Variants in PLEKHM3 observed in about 807,000 individuals in gnomAD.
The protein encoded by PLEKHM3 is pleckstrin homology domain-containing family M member 3.
PLEKHM3 carries 45 observed loss-of-function variants against 81.8 expected under a neutral mutation model. The ratio of observed to expected loss-of-function variants is 0.55; its 90% CI spans 0.43 to 0.71. The LOEUF is 0.71. Ranked by LOEUF, PLEKHM3 falls within the 30% of genes least tolerant of loss-of-function variation. The pLI, the probability that PLEKHM3 is intolerant of heterozygous loss-of-function variation, is 0.00. For missense variants in PLEKHM3, 788 were observed against 924.3 expected (o/e 0.85, Z 1.91); for synonymous variants, 352 against 356.4 (o/e 0.99, Z 0.14).
rs573889649 is a variant in PLEKHM3, at chr2:207,944,302, A to G, written c.1692+2065T>C. 3.3e-5 allele frequency among the ~76,000 whole-genome samples: 5 copies of G among 152,334 alleles called. No individual in the cohort carries two copies. In the South Asian group the frequency reaches 8.3e-4, roughly 25 times the overall value. Reference sequence around the variant, plus strand: ...GTGTATCCTAGAGAAGTCCAGTAGAATAAGAAACTGCCAAGGGTCAACAGA... The same window carrying G: ...GTGTATCCTAGAGAAGTCCAGTAGAGTAAGAAACTGCCAAGGGTCAACAGA... On this transcript the variant is annotated intron_variant, in intron 4 of 7. Coordinates refer to ENST00000427836, the MANE Select transcript of PLEKHM3 (RefSeq NM_001080475.3).
chr2:207,828,213 G>T lies in PLEKHM3; in HGVS notation c.*106C>A. On this transcript the variant is annotated 3_prime_UTR_variant, in exon 8 of 8. Transcript: ENST00000427836. ...ATATATATCTATATCTAGTTGAAGA[G>T]GATACATACTCTTCTTCCAAAGGGG... The T allele has an allele frequency of 9.4e-7, 1 of 1,067,666 alleles. No homozygotes were observed. The highest frequency in any genetic ancestry group is 1.4e-6 in the Non-Finnish European group (1 of 732,004). 66.1% of individuals were successfully genotyped at this position (1,067,666 alleles called of 1,614,324 possible).
intron 7 of PLEKHM3, among the ~76,000 whole-genome samples, chr2:207,842,144 A>G (rs998794839): frequency 6.6e-6 from 1 of 152,158 alleles, no homozygotes; most frequent in African/African-American, 2.4e-5. Flanking sequence ...TCACCGTGTT[A>G]GCCAGGATGG....
intron 3 of PLEKHM3, among the ~76,000 whole-genome samples, chr2:207,952,341 G>A (rs1457622443): frequency 6.6e-6 from 1 of 152,200 alleles, no homozygotes; most frequent in East Asian, 1.9e-4. Flanking sequence ...ACAGTGAGCT[G>A]CAGTAAGCAC....
rs749470549 is a variant in PLEKHM3, at chr2:207,976,640, C to G, written c.1546+11G>C. 56 of 1,605,670 alleles carry G rather than the reference C, an allele frequency of 3.5e-5. No individual in the cohort carries two copies. The highest frequency in any genetic ancestry group is 4.5e-5 in the Non-Finnish European group (53 of 1,175,772). On this transcript the variant is annotated intron_variant, in intron 3 of 7. Coordinates refer to ENST00000427836, the MANE Select transcript of PLEKHM3 (RefSeq NM_001080475.3). The surrounding 1 kb of genome is among the most constrained non-coding windows in gnomAD (Gnocchi z 4.1). Reference sequence around the variant, plus strand: ...CTTTAATGAGCTATAGGCTGAAAATCTGCTTCATACCTGCACATTTGAAAC... The same window carrying G: ...CTTTAATGAGCTATAGGCTGAAAATGTGCTTCATACCTGCACATTTGAAAC...
Position 207,909,323 on chromosome 2 carries a change from T to C in PLEKHM3, c.1887-746A>G, listed in dbSNP as rs544931890. On this transcript the variant is annotated intron_variant, in intron 5 of 7. Coordinates refer to ENST00000427836, the MANE Select transcript of PLEKHM3 (RefSeq NM_001080475.3). ...AGCAAACAGGTTACCAAAGTGTAGA[T>C]GACTGGAAAACAACACACACACAAA... Among the ~76,000 whole-genome samples, 13 of 152,336 alleles carry C rather than the reference T, an allele frequency of 8.5e-5. No homozygotes were observed. In the South Asian group the frequency reaches 1.2e-3, roughly 15 times the overall value.
chr2:207,903,383 G>C (rs1688505268), intron 6 of PLEKHM3, among the ~76,000 whole-genome samples: 1 of 151,960 alleles, frequency 6.6e-6, no homozygotes, highest in Non-Finnish European at 1.5e-5. Flanking sequence ...GTAGCGGGGA[G>C]GGCCTACTCT....
chr2:208,011,008 A>G (rs775508401), intron 1 of PLEKHM3, among the ~76,000 whole-genome samples: 25 of 151,854 alleles, frequency 1.6e-4, no homozygotes, highest in Middle Eastern at 3.4e-3. Flanking sequence ...GATCAGGGAA[A>G]TGCAAACCAA....
intron 7 of PLEKHM3, among the ~76,000 whole-genome samples, chr2:207,850,286 A>G (rs1403057862): frequency 6.6e-6 from 1 of 152,240 alleles, no homozygotes; most frequent in East Asian, 1.9e-4. Flanking sequence ...GCAAATGCCT[A>G]CCAGATGGAG....
chr2:207,835,610 C>T (rs528993557), intron 7 of PLEKHM3, among the ~76,000 whole-genome samples: 8 of 152,218 alleles, frequency 5.3e-5, no homozygotes, highest in South Asian at 4.1e-4. Context: ...TAAGCTGGGA[C>T]TGCATGAGAT....
intron 4 of PLEKHM3, among the ~76,000 whole-genome samples, chr2:207,935,862 T>C (rs1046650702): frequency 7.2e-5 from 11 of 152,230 alleles, no homozygotes; most frequent in Non-Finnish European, 1.5e-4. Context: ...GACTAATCTA[T>C]AATGTAATTA....
intron 2 of PLEKHM3, among the ~76,000 whole-genome samples, chr2:207,989,039 C>T (rs910155216): frequency 3.3e-5 from 5 of 152,206 alleles, no homozygotes; most frequent in East Asian, 1.9e-4. Context: ...GCCCCTCAAT[C>T]GTTCTCCATC....
chr2:207,870,132 T>C (rs1021541489), intron 6 of PLEKHM3, among the ~76,000 whole-genome samples: 3 of 152,102 alleles, frequency 2.0e-5, no homozygotes, highest in Non-Finnish European at 4.4e-5. Context: ...ATCTGTGGGA[T>C]TGGGAAAAGG....
intron 1 of PLEKHM3, among the ~76,000 whole-genome samples, chr2:208,015,808 C>A (rs1692886973): frequency 6.6e-6 from 1 of 152,192 alleles, no homozygotes; most frequent in Non-Finnish European, 1.5e-5. Context: ...AACCTGCAAA[C>A]AAATGTTTCT....
At chr2:207,968,842 C>A (rs1473434012) in intron 3 of PLEKHM3, among the ~76,000 whole-genome samples, 1 of 152,190 alleles carries the variant, frequency 6.6e-6, no homozygotes. Flanking sequence ...TTAGACAATA[C>A]AACATAAGAA....
At chr2:207,897,037 G>A (rs1177276331) in intron 6 of PLEKHM3, among the ~76,000 whole-genome samples, 4 of 152,198 alleles carry the variant, frequency 2.6e-5, no homozygotes, top group Non-Finnish European at 5.9e-5. Context: ...GCAGGCCTAG[G>A]GAGAGTTCCT....
At chr2:207,948,162 AC>A (rs1690198439) in intron 3 of PLEKHM3, among the ~76,000 whole-genome samples, 1 of 152,096 alleles carries the variant, frequency 6.6e-6, no homozygotes, top group Non-Finnish European at 1.5e-5. Flanking sequence ...TAGAACCAAC[AC>A]ACATGTAGCT....
chr2:207,947,403 A>G (rs1690170824), intron 3 of PLEKHM3, among the ~76,000 whole-genome samples: 1 of 152,230 alleles, frequency 6.6e-6, no homozygotes, highest in African/African-American at 2.4e-5. Context: ...GAACCTGGTA[A>G]TAATCATAGC....
intron 5 of PLEKHM3, among the ~76,000 whole-genome samples, chr2:207,927,735 C>A (rs1358635254): frequency 6.6e-6 from 1 of 151,980 alleles, no homozygotes; most frequent in Non-Finnish European, 1.5e-5. Flanking sequence ...GAGGCTGAGG[C>A]AGGAGAATTG....
At chr2:207,962,707 T>C (rs1470335627) in intron 3 of PLEKHM3, among the ~76,000 whole-genome samples, 2 of 152,166 alleles carry the variant, frequency 1.3e-5, no homozygotes, top group South Asian at 2.1e-4. Context: ...GTGACAGAAC[T>C]GTATTGCAGT....
Sources: gnomAD v4.1 joint callset for allele counts (sites outside exome capture counted in the v4.1 genomes callset) on GRCh38, gnomAD v4.1.1 for gene constraint, Gnocchi (gnomAD v3.1) non-coding constraint, MANE v1.5 for transcripts, NCBI Gene and HGNC (gene_info 2026-07-23, HGNC 2026-07-21) for gene names.